SPATA31C1: variants seen among roughly 807,000 people sequenced by gnomAD.
SPATA31C1 encodes spermatogenesis-associated protein 31C1.
exon 5 of SPATA31C1, chr9:87,920,741 C>A: frequency 6.2e-7 from 1 of 1,614,008 alleles, no homozygotes; most frequent in South Asian, 1.1e-5. Context: ...CTGTCCCAGC[C>A]ATCTCAGGCC....
rs2117995360 is a variant in SPATA31C1 at position 87,921,183 on chromosome 9, C to T, written n.1573C>T. ...TTTACCCTCTAGGGTCCAAAAATCT[C>T]AGGACGTCTTTAGTGTCTCCACTCC... is the stretch of plus-strand genomic sequence containing the variant. On this transcript the variant is annotated non_coding_transcript_exon_variant, in exon 5 of 5. Transcript: ENST00000420021. 1.9e-6 allele frequency: 3 copies of T among 1,611,902 alleles called. No homozygotes were observed. The East Asian group carries it at 6.7e-5, about 36-fold the overall frequency.
exon 5 of SPATA31C1, chr9:87,920,677 T>C: frequency 6.2e-7 from 1 of 1,613,956 alleles, no homozygotes; most frequent in Non-Finnish European, 8.5e-7. Flanking sequence ...TCAGTGGCAC[T>C]TCCACTGGAC....
exon 5 of SPATA31C1, chr9:87,921,030 C>A (rs531798991): frequency 8.7e-6 from 14 of 1,611,986 alleles, no homozygotes; most frequent in African/African-American, 1.3e-5. Context: ...TCCTGCTTTT[C>A]TATCCCCGAT....
In SPATA31C1 at chr9:87,920,032, G is replaced by A. The variant is rs1828809650; in HGVS notation, n.641+56G>A. 1.1e-5 allele frequency: 17 copies of A among 1,608,402 alleles called. No homozygotes were observed. In the Admixed American group the frequency reaches 1.5e-4, roughly 14 times the overall value. Reference sequence around the variant, plus strand: ...CTACCAGGGCTGGGACGTGACCCCAGGGCCACAGGCAGCCTGGAGCTGACC... The same window carrying A: ...CTACCAGGGCTGGGACGTGACCCCAAGGCCACAGGCAGCCTGGAGCTGACC... On this transcript the variant is annotated intron_variant and non_coding_transcript_variant, in intron 4 of 4. Coordinates refer to ENST00000420021, the Ensembl canonical transcript of SPATA31C1.
chr9:87,916,222 A>C (rs1251676533), intron 1 of SPATA31C1, among the ~76,000 whole-genome samples: 2 of 139,234 alleles, frequency 1.4e-5, no homozygotes, highest in Admixed American at 7.1e-5. Flanking sequence ...AATGGTGGTC[A>C]GATATGAAGA....
exon 5 of SPATA31C1, chr9:87,921,965 G>A (rs760691958): frequency 1.5e-5 from 24 of 1,612,726 alleles, no homozygotes; most frequent in Middle Eastern, 2.0e-4. Flanking sequence ...TTTCATCCTT[G>A]TCCCTTATAC....
In SPATA31C1 at chr9:87,923,272, A is replaced by C. The variant is rs764305857; in HGVS notation, n.3662A>C. 6 of 1,603,744 alleles carry C rather than the reference A, an allele frequency of 3.7e-6. 1 individual carries two copies. The South Asian group carries it at 6.6e-5, about 18-fold the overall frequency. ...CTGAGCTATGCAGCCAGCAGTCAAC[A>C]AGCCACTCTCAAGAACCAGAGTCGT... On this transcript the variant is annotated non_coding_transcript_exon_variant, in exon 5 of 5. Coordinates refer to ENST00000420021, the Ensembl canonical transcript of SPATA31C1.
In SPATA31C1 at chr9:87,919,157, A is replaced by C. The variant is rs1461249099; in HGVS notation, n.523-134A>C. 5 of 1,551,628 alleles carry C rather than the reference A, an allele frequency of 3.2e-6. No individual in the cohort carries two copies. In the African/African-American group the frequency reaches 6.8e-5, roughly 21 times the overall value. On this transcript the variant is annotated intron_variant and non_coding_transcript_variant, in intron 2 of 4. Transcript: ENST00000420021. ...GAAAGCACACAGAGCTCCCTGAGCA[A>C]GACAGACAGAGCCATGCGGTTCATG...
exon 5 of SPATA31C1, chr9:87,920,866 CCA>C: frequency 2.5e-6 from 4 of 1,613,536 alleles, no homozygotes; most frequent in Non-Finnish European, 3.4e-6. Context: ...CAAAGGGACA[CCA>C]CAATGTCCCC....
In SPATA31C1 at chr9:87,915,656, A is replaced by G. The variant is rs564411059; in HGVS notation, n.189+946A>G. 1.2e-3 allele frequency among the ~76,000 whole-genome samples: 176 copies of G among 143,482 alleles called. 13 individuals are homozygous for G. The highest frequency in any genetic ancestry group is 4.0e-3 in the African/African-American group (157 of 39,426). The allele number at this position is 143,482 out of a possible 152,430, so 94.1% of individuals were successfully genotyped here. ...TTAGATTGAGGTTATTGTTTTGTCTATGGTATCTAACTGCTCCAGAACCAC... is the reference window on the plus strand; with the variant it reads ...TTAGATTGAGGTTATTGTTTTGTCTGTGGTATCTAACTGCTCCAGAACCAC... On this transcript the variant is annotated intron_variant and non_coding_transcript_variant, in intron 1 of 4. Transcript: ENST00000420021.
Position 87,920,913 on chromosome 9 carries a change from G to A in SPATA31C1, n.1303G>A, listed in dbSNP as rs572146325. 7 of 1,613,166 alleles carry A rather than the reference G, an allele frequency of 4.3e-6. No individual in the cohort carries two copies. The South Asian group carries it at 5.5e-5, about 13-fold the overall frequency. On this transcript the variant is annotated non_coding_transcript_exon_variant, in exon 5 of 5. Coordinates refer to ENST00000420021, the Ensembl canonical transcript of SPATA31C1. ...CCAGGCCCAGCCCCTGTCCCATCTGGGGCCTGAGTCCCAACCCTTTATTTC... is the reference window on the plus strand; with the variant it reads ...CCAGGCCCAGCCCCTGTCCCATCTGAGGCCTGAGTCCCAACCCTTTATTTC...
At chr9:87,923,480 G>A in exon 5 of SPATA31C1, 1 of 1,580,318 alleles carries the variant, frequency 6.3e-7, no homozygotes, top group Non-Finnish European at 8.6e-7. Context: ...ACTGACCAAG[G>A]CACTGTCTTT....
At chr9:87,922,215 C>A in exon 5 of SPATA31C1, 1 of 1,613,320 alleles carries the variant, frequency 6.2e-7, no homozygotes, top group Non-Finnish European at 8.5e-7. Context: ...TACAGCTGGA[C>A]AGGAGGGCAG....
chr9:87,922,416 G>C (rs745586912), exon 5 of SPATA31C1: 16 of 1,610,088 alleles, frequency 9.9e-6, no homozygotes, highest in African/African-American at 8.0e-5. Context: ...GGCTCCAGGC[G>C]CCAGCAAAAG....
exon 5 of SPATA31C1, chr9:87,923,173 A>C (rs768163628): frequency 6.2e-7 from 1 of 1,603,300 alleles, no homozygotes; most frequent in African/African-American, 1.3e-5. Flanking sequence ...CAGCAAAGAC[A>C]GCAGTTTCAA....
At chr9:87,920,609 A>G in exon 5 of SPATA31C1, 1 of 1,613,582 alleles carries the variant, frequency 6.2e-7, no homozygotes, top group Non-Finnish European at 8.5e-7. Context: ...CTCCTCCGAA[A>G]GGCTTCACTC....
At chr9:87,919,141 C>T (rs1488734644) in intron 2 of SPATA31C1, 114 bp from the exon 2 acceptor site, 1 of 1,489,780 alleles carries the variant, frequency 6.7e-7, no homozygotes, top group African/African-American at 1.4e-5. Context: ...AGAAAGCACA[C>T]AGAGCTCCCT....
At chr9:87,919,057 ACCG>A in intron 2 of SPATA31C1, 195 bp from the exon 2 acceptor site, 1 of 871,360 alleles carries the variant, frequency 1.1e-6, no homozygotes, top group East Asian at 4.5e-5. Context: ...GGCGTGAGCC[ACCG>A]CACCCGACCC....
At position 87,922,976 on chromosome 9, in the gene SPATA31C1, T is replaced by G. The variant is rs535801745; in HGVS notation, n.3366T>G. ...TTGGAGAAAACATCAAGCAATTTTT[T>G]GAGACGATTTTTTCAAAGAAAGAAA... On this transcript the variant is annotated non_coding_transcript_exon_variant, in exon 5 of 5. Coordinates refer to ENST00000420021, the Ensembl canonical transcript of SPATA31C1. 2.5e-3 allele frequency: 3,062 copies of G among 1,231,394 alleles called. 910 individuals carry two copies. The highest frequency in any genetic ancestry group is 3.2e-3 in the Non-Finnish European group (2,896 of 895,690). The allele number at this position is 1,231,394 out of a possible 1,614,324, so 76.3% of individuals were successfully genotyped here. A position where few individuals can be genotyped will look rare whatever the true frequency, so the allele number is the denominator to read the frequency against.
Sources: gnomAD v4.1 joint callset for allele counts (sites outside exome capture counted in the v4.1 genomes callset) on GRCh38, gnomAD v4.1.1 for gene constraint, MANE v1.5 for transcripts, NCBI Gene and HGNC (gene_info 2026-07-23, HGNC 2026-07-21) for gene names.